Variants in ADCY1 observed in about 807,000 individuals in gnomAD.
ADCY1 encodes the protein adenylate cyclase 1, also known as adenylate cyclase type 1.
A neutral mutation model predicts 105.4 loss-of-function variants in ADCY1; 28 were observed. The ratio of observed to expected loss-of-function variants is 0.27; its 90% CI spans 0.20 to 0.36. The LOEUF (loss-of-function observed/expected upper bound fraction) is 0.36, where lower values mean the gene tolerates loss of function less well. Ranked by LOEUF, ADCY1 falls within the 10% of genes least tolerant of loss-of-function variation. ADCY1 has a pLI of 1.00. For synonymous variants in ADCY1, 655 were observed against 623.8 expected, an observed-to-expected ratio of 1.05 and a Z score of -0.75; for missense variants, 977 against 1,434.2, an observed-to-expected ratio of 0.68 and a Z score of 5.15.
chr7:45,675,851 G>A (rs1180985980), intron 8 of ADCY1, among the ~76,000 whole-genome samples: 1 of 152,104 alleles, frequency 6.6e-6, no homozygotes, highest in African/African-American at 2.4e-5. Context: ...GTTTCTTTGA[G>A]TTTGCCCTGT....
Position 45,712,004 on chromosome 7 carries a change from TTAAATATATATTTTATATATTATAC to T in ADCY1, c.3057+1372_3057+1396del, listed in dbSNP as rs1204879520. Among the ~76,000 whole-genome samples, 237 of 117,098 alleles carry T rather than the reference TTAAATATATATTTTATATATTATAC, an allele frequency of 2.0e-3. 5 individuals are homozygous for T. Among genetic ancestry groups the T allele is most frequent in the African/African-American group, 4.7e-3 (130 of 27,500 alleles). 76.8% of individuals were successfully genotyped at this position (117,098 alleles called of 152,430 possible). On this transcript the variant is annotated intron_variant, in intron 19 of 19. Coordinates refer to ENST00000297323, the MANE Select transcript of ADCY1 (RefSeq NM_021116.4). ...TTAAATATATATTTTATATATTATA[TTAAATATATATTTTATATATTATAC>T]TAAATATATATTTTATATAATATAT...
At chr7:45,610,636 G>T in intron 3 of ADCY1, 139 bp downstream of exon 3, 1 of 744,088 alleles carries the variant, frequency 1.3e-6, no homozygotes, top group Non-Finnish European at 2.3e-6. Context: ...TGGAGGTAAT[G>T]GTGAAGGTGG....
chr7:45,626,441 G>A (rs916972061), intron 4 of ADCY1, among the ~76,000 whole-genome samples: 2 of 152,206 alleles, frequency 1.3e-5, no homozygotes, highest in Non-Finnish European at 2.9e-5. Flanking sequence ...GCTGCTGGCC[G>A]CCTTTGTTCT....
In ADCY1 at chr7:45,610,514, C is replaced by A. The variant is rs1793505353; in HGVS notation, c.908+17C>A. The A allele has an allele frequency of 1.2e-6, 2 of 1,603,900 alleles. No individual in the cohort carries two copies. The highest frequency in any genetic ancestry group is 2.7e-5 in the African/African-American group (2 of 74,662). ...CAATGTGAGGTAGGGCTGGTGCTGA[C>A]CCGGCACAGCGGGGAGCCTGGGAAG... is the stretch of plus-strand genomic sequence containing the variant. On this transcript the variant is annotated intron_variant, in intron 3 of 19. Coordinates refer to ENST00000297323, the MANE Select transcript of ADCY1 (RefSeq NM_021116.4).
intron 4 of ADCY1, among the ~76,000 whole-genome samples, chr7:45,628,962 T>C (rs1211685430): frequency 6.6e-6 from 1 of 152,208 alleles, no homozygotes. Context: ...GAAGGTATGA[T>C]TGACTGATAA....
chr7:45,719,552 T>C lies in ADCY1; in HGVS notation c.*5557T>C, dbSNP rs1242825624. 6.6e-6 allele frequency: 1 copy of C among 152,240 alleles called. No individual in the cohort carries two copies. Among genetic ancestry groups the C allele is most frequent in the Non-Finnish European group, 1.5e-5 (1 of 68,052 alleles). 9.4% of individuals were successfully genotyped at this position (152,240 alleles called of 1,614,324 possible). ...TCCCTGAAAATTTAATCTATTCTGT[T>C]CCATATGAAGTCTGTTTCACTACCT... On this transcript the variant is annotated 3_prime_UTR_variant, in exon 20 of 20. Transcript: ENST00000297323.
chr7:45,586,657 A>G (rs2115745074), intron 1 of ADCY1, among the ~76,000 whole-genome samples: 1 of 152,348 alleles, frequency 6.6e-6, no homozygotes, highest in African/African-American at 2.4e-5. Context: ...TTTAAAGAGA[A>G]TGATGTCACA....
chr7:45,713,693 G>A lies in ADCY1; in HGVS notation c.3058G>A (p.Val1020Met). The change falls in exon 20 of 20, where the codon GTG becomes ATG. Residue 1020 changes from valine (V) to methionine (M), a missense_variant and splice_region_variant. By Grantham distance (21) the Val-to-Met change is conservative. Transcript: ENST00000297323. ...DSTGVQGRIQ[V>M]TEEVHRLLRR... ...AACACTCACTTCTCTCCATCAACAGGTGACTGAGGAAGTCCACCGGCTGCT... is the reference window on the plus strand; with the variant it reads ...AACACTCACTTCTCTCCATCAACAGATGACTGAGGAAGTCCACCGGCTGCT... 1.3e-6 allele frequency: 1 copy of A among 779,374 alleles called. No homozygotes were observed. The highest frequency in any genetic ancestry group is 2.4e-5 in the East Asian group (1 of 41,230). 48.3% of individuals were successfully genotyped at this position (779,374 alleles called of 1,614,324 possible).
intron 4 of ADCY1, among the ~76,000 whole-genome samples, chr7:45,633,606 A>G (rs1562698523): frequency 6.6e-6 from 1 of 152,108 alleles, no homozygotes; most frequent in African/African-American, 2.4e-5. Context: ...GATCGAGACC[A>G]TTCTGGCCAA....
At chr7:45,624,952 G>C (rs547390900) in intron 4 of ADCY1, among the ~76,000 whole-genome samples, 1 of 152,324 alleles carries the variant, frequency 6.6e-6, no homozygotes, top group Non-Finnish European at 1.5e-5. Flanking sequence ...ACCCACGTTG[G>C]GTCAGCCCAG....
chr7:45,623,689 TCTTGCCATTCAC>T (rs1443166804), intron 4 of ADCY1, among the ~76,000 whole-genome samples: 1 of 152,214 alleles, frequency 6.6e-6, no homozygotes, highest in African/African-American at 2.4e-5. Flanking sequence ...GAACTTCCCC[TCTTGCCATTCAC>T]CTGGCACATC....
chr7:45,634,677 A>G (rs773606531), intron 4 of ADCY1, among the ~76,000 whole-genome samples: 35 of 152,272 alleles, frequency 2.3e-4, no homozygotes, highest in Non-Finnish European at 4.3e-4. Flanking sequence ...TACACATTCA[A>G]TACAAAGTGC....
In ADCY1 at chr7:45,692,154, G is replaced by A. The variant is rs560081873; in HGVS notation, c.2454+5481G>A. Among the ~76,000 whole-genome samples, 58 of 152,282 alleles carry A rather than the reference G, an allele frequency of 3.8e-4. 1 individual carries two copies. The highest frequency in any genetic ancestry group is 6.8e-3 in the Middle Eastern group (2 of 294). Reference sequence around the variant, plus strand: ...CCTCCGAGGAGCCAAACCTTGGTGCGTAACCTCAGGACCCCACATCCATCA... The same window carrying A: ...CCTCCGAGGAGCCAAACCTTGGTGCATAACCTCAGGACCCCACATCCATCA... On this transcript the variant is annotated intron_variant, in intron 14 of 19. Coordinates refer to ENST00000297323, the MANE Select transcript of ADCY1 (RefSeq NM_021116.4).
intron 5 of ADCY1, among the ~76,000 whole-genome samples, chr7:45,656,136 AAAAAAT>A (rs1562709597): frequency 1.3e-5 from 2 of 151,798 alleles, no homozygotes; most frequent in South Asian, 2.1e-4. Context: ...AAATACAAAA[AAAAAAT>A]AAAAATAAAA....
Position 45,604,701 on chromosome 7 carries a change from G to A in ADCY1, c.790-5678G>A, listed in dbSNP as rs560797511. Among the ~76,000 whole-genome samples, 14 of 152,264 alleles carry A rather than the reference G, an allele frequency of 9.2e-5. No homozygotes were observed. In the East Asian group the frequency reaches 1.2e-3, roughly 13 times the overall value. ...CTTATGTGTTTATCTGGCAACCCAC[G>A]TCACACTGTCTGGATTATTGTTGTT... On this transcript the variant is annotated intron_variant, in intron 2 of 19. Coordinates refer to ENST00000297323, the MANE Select transcript of ADCY1 (RefSeq NM_021116.4).
Position 45,662,202 on chromosome 7 carries a change from G to A in ADCY1, c.1593G>A (p.Glu531=), listed in dbSNP as rs1402420504. Residue 531 remains glutamate (E), a synonymous_variant, in exon 8 of 20, where the codon GAG becomes GAA. Transcript: ENST00000297323. ...EIPFSNVMTC[E]DDDKRRALRT... ...CCTTCTCCAATGTCATGACCTGCGAGGACGATGACAAGGTAGGAGCAGCCA... is the reference window on the plus strand; with the variant it reads ...CCTTCTCCAATGTCATGACCTGCGAAGACGATGACAAGGTAGGAGCAGCCA... The A allele has an allele frequency of 1.2e-6, 2 of 1,613,120 alleles. No individual in the cohort carries two copies. The highest frequency in any genetic ancestry group is 2.2e-5 in the South Asian group (2 of 90,840).
chr7:45,722,769 A>AACTC lies in ADCY1; in HGVS notation c.*8778_*8781dup, dbSNP rs979299875. The AACTC allele has an allele frequency of 2.0e-5, 3 of 152,676 alleles. No individual in the cohort carries two copies. The highest frequency in any genetic ancestry group is 7.2e-5 in the African/African-American group (3 of 41,542). 9.5% of individuals were successfully genotyped at this position (152,676 alleles called of 1,614,324 possible). ...AGGGTGTCATTTTCTCGCACAATAC[A>AACTC]ACTCACTGAGGATGCTTCTGTAGAA... On this transcript the variant is annotated 3_prime_UTR_variant, in exon 20 of 20. Transcript: ENST00000297323.
chr7:45,654,939 C>T (rs1440172875), intron 5 of ADCY1, among the ~76,000 whole-genome samples: 1 of 151,934 alleles, frequency 6.6e-6, no homozygotes, highest in Admixed American at 6.5e-5. Flanking sequence ...AACCATTTGC[C>T]CTGCCCTTCC....
At chr7:45,664,405 C>T in intron 8 of ADCY1, 2 of 1,536,000 alleles carry the variant, frequency 1.3e-6, no homozygotes, top group Non-Finnish European at 1.7e-6. Context: ...GCCACTGTCA[C>T]CAGTGCTGCA....
Sources: allele counts gnomAD v4.1 joint callset (sites outside exome capture counted in the v4.1 genomes callset), GRCh38; gene constraint gnomAD v4.1.1; transcripts MANE v1.5; gene names NCBI Gene and HGNC (gene_info 2026-07-23, HGNC 2026-07-21).